Variants in EPN2 observed in about 807,000 individuals in gnomAD.
EPN2 encodes epsin-2.
In EPN2, 34 loss-of-function variants were observed where a neutral mutation model predicts 61.7. That is an observed-to-expected ratio of 0.55 (90% CI 0.42 to 0.73). EPN2 has a LOEUF of 0.73. EPN2 is among the 30% of genes least tolerant of loss of function. The pLI is 0.00. For missense variants in EPN2, 714 were observed against 839.2 expected (o/e 0.85, Z 1.84); for synonymous variants, 349 against 353.6 (o/e 0.99, Z 0.15).
At position 19,269,606 on chromosome 17, in the gene EPN2, G is replaced by A. The variant is rs141068812; in HGVS notation, c.-293-12349G>A. ...TGACTGACTCCATTGTATTGCCAGCGTGTAGAACCTTCCACATTTCAAGGT... is the reference window on the plus strand; with the variant it reads ...TGACTGACTCCATTGTATTGCCAGCATGTAGAACCTTCCACATTTCAAGGT... On this transcript the variant is annotated intron_variant, in intron 1 of 10. Transcript: ENST00000314728. Among the ~76,000 whole-genome samples the A allele has an allele frequency of 8.7e-3, 1,318 of 152,314 alleles. 6 individuals carry two copies. The highest frequency in any genetic ancestry group is 0.015 in the Non-Finnish European group (1,025 of 68,026).
intron 4 of EPN2, chr17:19,308,740 C>T: frequency 2.2e-6 from 2 of 918,044 alleles, no homozygotes; most frequent in Non-Finnish European, 2.6e-6. Context: ...AAGCTATGGA[C>T]CCTTCCTGAA....
intron 6 of EPN2, 102 bp downstream of exon 6, chr17:19,312,246 C>G (rs1457376897): frequency 1.2e-6 from 1 of 815,754 alleles, no homozygotes; most frequent in East Asian, 2.5e-5. Context: ...ACAGTGAGTT[C>G]TCCAACCTCA....
At chr17:19,302,765 A>T (rs1291382572) in intron 4 of EPN2, among the ~76,000 whole-genome samples, 3 of 152,250 alleles carry the variant, frequency 2.0e-5, no homozygotes, top group African/African-American at 7.2e-5. Context: ...ATTGTCTTCC[A>T]CTAAACCAGT....
At chr17:19,332,208 T>A (rs1907192436) in intron 10 of EPN2, 140 bp downstream of exon 10, 5 of 669,224 alleles carry the variant, frequency 7.5e-6, no homozygotes, top group Non-Finnish European at 1.3e-5. Context: ...ACGTATGCCC[T>A]CGCCAGTGCT....
At chr17:19,305,667 T>A (rs944416356) in intron 4 of EPN2, among the ~76,000 whole-genome samples, 1 of 152,184 alleles carries the variant, frequency 6.6e-6, no homozygotes, top group Non-Finnish European at 1.5e-5. Context: ...TCTTTCACCC[T>A]TTGTTTTAGG....
At chr17:19,331,809 C>T (rs551291654) in intron 9 of EPN2, 44 bp from the exon 10 acceptor site, 2 of 1,549,046 alleles carry the variant, frequency 1.3e-6, no homozygotes, top group Non-Finnish European at 8.9e-7. Flanking sequence ...GTCTTAGGCT[C>T]TCCCTGCCAC....
chr17:19,301,431 C>T (rs1905512829), intron 4 of EPN2, among the ~76,000 whole-genome samples: 1 of 152,220 alleles, frequency 6.6e-6, no homozygotes, highest in South Asian at 2.1e-4. Context: ...CACCATGTGG[C>T]AGCATGACAC....
intron 7 of EPN2, among the ~76,000 whole-genome samples, chr17:19,325,480 CAT>C (rs147274618): frequency 0.013 from 2,000 of 152,260 alleles, 30 homozygotes; most frequent in African/African-American, 0.041. Context: ...AAACAGAAAA[CAT>C]GTGGTCATCT....
intron 1 of EPN2, among the ~76,000 whole-genome samples, chr17:19,242,952 T>G (rs1477141184): frequency 2.0e-5 from 3 of 152,202 alleles, no homozygotes; most frequent in Non-Finnish European, 4.4e-5. Context: ...TACAGTTAAT[T>G]TGGCTTCAAA....
In EPN2 at chr17:19,314,074, G is replaced by A. The variant is rs116305930; in HGVS notation, c.1147+795G>A. Among the ~76,000 whole-genome samples the A allele has an allele frequency of 2.3e-3, 348 of 152,268 alleles. 4 individuals carry two copies. Among genetic ancestry groups the A allele is most frequent in the African/African-American group, 7.7e-3 (321 of 41,562 alleles). On this transcript the variant is annotated intron_variant, in intron 7 of 10. Coordinates refer to ENST00000314728, the MANE Select transcript of EPN2 (RefSeq NM_014964.5). The stretch of plus-strand genomic sequence containing the variant: ...TGGAGTCTCTGTTTCTCTCAGAACC[G>A]TCTCTTGTGTTTAACTCGGTTCCCT...
At chr17:19,291,348 T>C (rs1015693666) in intron 4 of EPN2, among the ~76,000 whole-genome samples, 9 of 149,386 alleles carry the variant, frequency 6.0e-5, no homozygotes, top group African/African-American at 2.2e-4. Context: ...CACTCTCGAG[T>C]GGCCTGGCAA....
At chr17:19,282,292 A>G (rs1350002560) in intron 2 of EPN2, 1 of 152,178 alleles carries the variant, frequency 6.6e-6, no homozygotes, top group Non-Finnish European at 1.5e-5. Context: ...GCTGTTAGGA[A>G]TCTTTATAAA....
intron 1 of EPN2, among the ~76,000 whole-genome samples, chr17:19,277,753 G>T (rs1465675488): frequency 1.3e-5 from 2 of 152,158 alleles, no homozygotes; most frequent in Non-Finnish European, 2.9e-5. Context: ...GCTTAGGTGA[G>T]GTGCGTAGTC....
chr17:19,280,896 A>G lies in EPN2; in HGVS notation c.-293-1059A>G, dbSNP rs116541111. ...TCCACGCCTCTGGAACTTCTGACCA[A>G]CCAGCTTCAAGTTGAGACCCCTTCT... On this transcript the variant is annotated intron_variant, in intron 1 of 10. Coordinates refer to ENST00000314728, the MANE Select transcript of EPN2 (RefSeq NM_014964.5). Among the ~76,000 whole-genome samples, 204 of 152,304 alleles carry G rather than the reference A, an allele frequency of 1.3e-3. 3 individuals carry two copies. Among genetic ancestry groups the G allele is most frequent in the African/African-American group, 4.5e-3 (189 of 41,562 alleles).
chr17:19,265,378 GAAA>G, intron 1 of EPN2, among the ~76,000 whole-genome samples: 1 of 137,910 alleles, frequency 7.3e-6, no homozygotes, highest in Non-Finnish European at 1.6e-5. Flanking sequence ...CCTTTCTCAG[GAAA>G]AAAAAAAAAA....
chr17:19,308,084 T>C, intron 4 of EPN2: 2 of 962,112 alleles, frequency 2.1e-6, no homozygotes, highest in Non-Finnish European at 2.5e-6. Flanking sequence ...AACATTTATT[T>C]ATTTTTTGAG....
At chr17:19,295,364 A>ACGCGCG (rs374152445) in intron 4 of EPN2, among the ~76,000 whole-genome samples, 1,981 of 81,732 alleles carry the variant, frequency 0.024, 19 homozygotes, top group African/African-American at 0.038. Context: ...ACACACACAC[A>ACGCGCG]CACGCGCGTG....
intron 7 of EPN2, among the ~76,000 whole-genome samples, chr17:19,321,057 C>G (rs893127965): frequency 6.6e-6 from 1 of 152,158 alleles, no homozygotes; most frequent in Non-Finnish European, 1.5e-5. Context: ...TGCACACAAG[C>G]GGCATGAGTG....
At chr17:19,270,421 C>T (rs1285777802) in intron 1 of EPN2, among the ~76,000 whole-genome samples, 52 of 152,182 alleles carry the variant, frequency 3.4e-4, no homozygotes, top group Admixed American at 3.4e-3. Context: ...GCCACCCACC[C>T]CTCTGGTAGG....
Sources: allele counts gnomAD v4.1 joint callset (sites outside exome capture counted in the v4.1 genomes callset), GRCh38; gene constraint gnomAD v4.1.1; transcripts MANE v1.5; gene names NCBI Gene and HGNC (gene_info 2026-07-23, HGNC 2026-07-21).